GPBP1L1: variants seen among roughly 807,000 people sequenced by gnomAD.
GPBP1L1 encodes the protein GC-rich promoter binding protein 1 like 1, also known as vasculin-like protein 1.
A neutral mutation model predicts 52.5 loss-of-function variants in GPBP1L1; 23 were observed. That is an observed-to-expected ratio of 0.44 (90% CI 0.32 to 0.62). The LOEUF is 0.62. GPBP1L1 is among the 20% of genes least tolerant of loss of function. The pLI, the probability that GPBP1L1 is intolerant of heterozygous loss-of-function variation, is 0.06. For missense variants in GPBP1L1, 596 were observed against 579.3 expected, an observed-to-expected ratio of 1.03 and a Z score of -0.30; for synonymous variants, 243 against 203.1, an observed-to-expected ratio of 1.20 and a Z score of -1.67.
At chr1:45,665,214 C>T (rs1644995547) in intron 2 of GPBP1L1, among the ~76,000 whole-genome samples, 1 of 151,830 alleles carries the variant, frequency 6.6e-6, no homozygotes, top group African/African-American at 2.4e-5. Flanking sequence ...TGCTTGAACT[C>T]GGGAGGTTGA....
chr1:45,680,666 G>A (rs1323007279), intron 2 of GPBP1L1, among the ~76,000 whole-genome samples: 1 of 151,984 alleles, frequency 6.6e-6, no homozygotes, highest in African/African-American at 2.4e-5. Context: ...GACCTAGATG[G>A]CTCTGTCACA....
chr1:45,642,126 A>T (rs1036761074), intron 7 of GPBP1L1, among the ~76,000 whole-genome samples: 3 of 152,240 alleles, frequency 2.0e-5, no homozygotes, highest in Non-Finnish European at 4.4e-5. Flanking sequence ...CAACAGAATG[A>T]GACTGTCTCA....
intron 6 of GPBP1L1, chr1:45,651,347 A>C: frequency 2.6e-6 from 1 of 379,058 alleles, no homozygotes; most frequent in Non-Finnish European, 5.1e-6. Context: ...GATGGGATCC[A>C]TGTCATATGC....
intron 11 of GPBP1L1, 88 bp downstream of exon 11, chr1:45,630,394 G>A: frequency 2.1e-6 from 3 of 1,459,640 alleles, no homozygotes; most frequent in Non-Finnish European, 2.8e-6. Context: ...CTGCATGTGG[G>A]ACCTATCTAT....
At chr1:45,647,190 C>T (rs1304699915) in intron 6 of GPBP1L1, among the ~76,000 whole-genome samples, 1 of 114,006 alleles carries the variant, frequency 8.8e-6, no homozygotes, top group African/African-American at 3.2e-5. Flanking sequence ...TTTTCTGAGA[C>T]CAAGTTTCAT....
chr1:45,657,285 G>C (rs1329789437), intron 4 of GPBP1L1, among the ~76,000 whole-genome samples: 1 of 152,116 alleles, frequency 6.6e-6, no homozygotes, highest in Non-Finnish European at 1.5e-5. Flanking sequence ...TGTAATCCCA[G>C]CACTTTGGGA....
intron 8 of GPBP1L1, 198 bp from the exon 9 acceptor site, chr1:45,634,434 G>A (rs944547952): frequency 4.2e-6 from 2 of 471,610 alleles, no homozygotes; most frequent in South Asian, 4.7e-5. Flanking sequence ...GGATACAGAA[G>A]AGCCATTGGA....
intron 10 of GPBP1L1, among the ~76,000 whole-genome samples, chr1:45,632,635 G>GA (rs1484181695): frequency 1.3e-5 from 2 of 152,164 alleles, no homozygotes; most frequent in East Asian, 3.9e-4. Context: ...AGAATCGCTT[G>GA]AACCCGGGAA....
chr1:45,662,568 C>T (rs1455063638), intron 2 of GPBP1L1, among the ~76,000 whole-genome samples: 11 of 152,050 alleles, frequency 7.2e-5, no homozygotes, highest in Admixed American at 7.2e-4. Flanking sequence ...CACTATTGTT[C>T]ATGGGAATAA....
chr1:45,679,891 C>CA lies in GPBP1L1; in HGVS notation c.-1098+5684dup, dbSNP rs61208985. Among the ~76,000 whole-genome samples, 279 of 88,138 alleles carry CA rather than the reference C, an allele frequency of 3.2e-3. 1 individual carries two copies. The highest frequency in any genetic ancestry group is 8.8e-3 in the South Asian group (22 of 2,504). The allele number at this position is 88,138 out of a possible 152,430, so 57.8% of individuals were successfully genotyped here. The stretch of plus-strand genomic sequence containing the variant: ...CAACAGTGAGAGACTCTTATCTATA[C>CA]AAAAAAAAAAAAAAAAAAAAATTAG... On this transcript the variant is annotated intron_variant, in intron 2 of 12. Coordinates refer to ENST00000355105, the MANE Select transcript of GPBP1L1 (RefSeq NM_021639.5).
At chr1:45,656,633 A>G (rs1644887716) in intron 4 of GPBP1L1, among the ~76,000 whole-genome samples, 1 of 151,524 alleles carries the variant, frequency 6.6e-6, no homozygotes, top group South Asian at 2.1e-4. Flanking sequence ...TTACCTTTGT[A>G]CTTTAGTCAA....
At chr1:45,642,588 A>G in intron 6 of GPBP1L1, 89 bp from the exon 7 acceptor site, 1 of 883,262 alleles carries the variant, frequency 1.1e-6, no homozygotes, top group South Asian at 1.4e-5. Context: ...GAACCTATCA[A>G]ATAATTACAT....
At chr1:45,651,823 G>C in intron 6 of GPBP1L1, 2 of 258,820 alleles carry the variant, frequency 7.7e-6, no homozygotes. Context: ...TTTCCTTTCG[G>C]CATCTTGGGT....
rs1177313401 is a variant in GPBP1L1, at chr1:45,660,334, ACT to A, written c.-208_-207del. ...GAAGAAGCCAGGTTCTGTGTCGATCACTCTCTCAGTCCCCTCAACTGCTCATC... is the reference window on the plus strand; with the variant it reads ...GAAGAAGCCAGGTTCTGTGTCGATCACTCTCAGTCCCCTCAACTGCTCATC... On this transcript the variant is annotated 5_prime_UTR_variant, in exon 3 of 13. Transcript: ENST00000355105. 4.1e-6 allele frequency: 4 copies of A among 983,548 alleles called. No individual in the cohort carries two copies. Among genetic ancestry groups the A allele is most frequent in the African/African-American group, 1.8e-5 (1 of 56,470 alleles). 60.9% of individuals were successfully genotyped at this position (983,548 alleles called of 1,614,324 possible). A position where few individuals can be genotyped will look rare whatever the true frequency, so the allele number is the denominator to read the frequency against.
intron 6 of GPBP1L1, chr1:45,651,171 C>T (rs937261189): frequency 1.4e-5 from 7 of 485,416 alleles, no homozygotes; most frequent in Non-Finnish European, 2.9e-5. Flanking sequence ...TGATAGCTTC[C>T]ACCAGCTTAG....
At position 45,628,368 on chromosome 1, in the gene GPBP1L1, C is replaced by A; in HGVS notation, c.1313G>T (p.Ser438Ile). 1.9e-6 allele frequency: 3 copies of A among 1,614,078 alleles called. No individual in the cohort carries two copies. The highest frequency in any genetic ancestry group is 2.5e-6 in the Non-Finnish European group (3 of 1,180,022). Residue 438 changes from serine to isoleucine, a missense_variant, in exon 13 of 13, where the codon AGC becomes ATC. Physicochemically the swap from Ser to Ile is moderately radical, Grantham distance 142 (BLOSUM62 -2). Transcript: ENST00000355105. The part of the protein sequence containing the change: ...NGFGKNGFLQ[S>I]RSSSLFSPWR... The stretch of plus-strand genomic sequence containing the variant: ...AGGGGAGAACAGACTGGAACTGCGG[C>A]TCTGCAAGAAGCCATTCTTTCCAAA...
At chr1:45,680,444 G>C (rs2148520057) in intron 2 of GPBP1L1, among the ~76,000 whole-genome samples, 2 of 151,976 alleles carry the variant, frequency 1.3e-5, no homozygotes, top group Non-Finnish European at 1.5e-5. Flanking sequence ...TCACCATGTT[G>C]ACCAGCCTGG....
chr1:45,658,979 CCA>C (rs1263117975), intron 4 of GPBP1L1, 47 bp downstream of exon 4: 1 of 1,322,160 alleles, frequency 7.6e-7, no homozygotes, highest in Admixed American at 1.7e-5. Context: ...AAAACCACCC[CCA>C]AACCCTCTCA....
At position 45,629,456 on chromosome 1, in the gene GPBP1L1, C is replaced by T. The variant is rs1300322418; in HGVS notation, c.1272+120G>A. 2.9e-3 allele frequency: 255 copies of T among 88,070 alleles called. 26 individuals are homozygous for T. The highest frequency in any genetic ancestry group is 0.02 in the South Asian group (62 of 3,154). The allele number at this position is 88,070 out of a possible 1,614,324, so 5.5% of individuals were successfully genotyped here. A position where few individuals can be genotyped will look rare whatever the true frequency, so the allele number is the denominator to read the frequency against. On this transcript the variant is annotated intron_variant, in intron 12 of 12. Transcript: ENST00000355105. Reference sequence around the variant, plus strand: ...CCACTACATTTCTACTAAGGTAATCCCCCCCCCCCCCACCCGATCTTTCTC... The same window carrying T: ...CCACTACATTTCTACTAAGGTAATCTCCCCCCCCCCCACCCGATCTTTCTC...
Sources: gnomAD v4.1 joint callset for allele counts (sites outside exome capture counted in the v4.1 genomes callset) on GRCh38, gnomAD v4.1.1 for gene constraint, MANE v1.5 for transcripts, NCBI Gene and HGNC (gene_info 2026-07-23, HGNC 2026-07-21) for gene names.